HEATR9: variants seen among roughly 807,000 people sequenced by gnomAD.
HEATR9 encodes protein HEATR9.
Under a neutral mutation model 68.2 loss-of-function variants are expected in HEATR9, and 54 were observed. The observed-to-expected ratio is 0.79, with a 90% confidence interval of 0.64 to 0.99. The LOEUF is 0.99. Among genes scored for constraint, HEATR9 ranks in the 50% least tolerant of loss-of-function variants. HEATR9 has a pLI of 0.00. For missense variants in HEATR9, 662 were observed against 679.7 expected (o/e 0.97, Z 0.29); for synonymous variants, 241 against 253.5 (o/e 0.95, Z 0.47).
rs1450371438 is a variant in HEATR9 at position 35,866,739 on chromosome 17, G to A, written c.123C>T (p.Pro41=). Residue 41 remains proline, a synonymous_variant, in exon 2 of 15, where the codon CCC becomes CCT. Transcript: ENST00000604834. ...GGGGTCTTACCTGGTAGCAGGACAA[G>A]GGCAGATGAACAGGAGCCATGGCTT... ...LRKAMAPVHL[P]LSCYQMPKEE... 2.5e-6 allele frequency: 4 copies of A among 1,613,978 alleles called. No homozygotes were observed. Among genetic ancestry groups the A allele is most frequent in the Non-Finnish European group, 3.4e-6 (4 of 1,179,962 alleles).
chr17:35,855,331 T>A lies in HEATR9; in HGVS notation c.1445A>T (p.Tyr482Phe). 6.2e-7 allele frequency: 1 copy of A among 1,614,176 alleles called. No individual in the cohort carries two copies. The highest frequency in any genetic ancestry group is 8.5e-7 in the Non-Finnish European group (1 of 1,180,004). The change falls in exon 15 of 15, where the codon TAT becomes TTT. Residue 482 changes from tyrosine (Y) to phenylalanine (F), a missense_variant. Physicochemically the swap from Tyr to Phe is conservative, Grantham distance 22. Transcript: ENST00000604834. ...NKLKNKVLSV[Y>F]EAPKTNVKAE... is the part of the protein sequence containing the mutation. Reference sequence around the variant, plus strand: ...CTTCACATTGGTCTTAGGTGCCTCATATACAGAGAGAACCTTGTTTTTCAG... The same window carrying A: ...CTTCACATTGGTCTTAGGTGCCTCAAATACAGAGAGAACCTTGTTTTTCAG...
chr17:35,867,095 CAA>C (rs36121754), intron 1 of HEATR9, among the ~76,000 whole-genome samples: 247 of 143,674 alleles, frequency 1.7e-3, no homozygotes, highest in Admixed American at 1.9e-3. Flanking sequence ...ACTAAAAATA[CAA>C]AAAAAAAAAA....
chr17:35,866,877 G>A, intron 1 of HEATR9, 104 bp from the exon 2 acceptor site: 3 of 1,112,664 alleles, frequency 2.7e-6, no homozygotes, highest in African/African-American at 1.6e-5. Context: ...GGAAGCCAAG[G>A]CAGGCAGATC....
chr17:35,855,791 AG>A, intron 13 of HEATR9, 41 bp from the exon 14 acceptor site: 1 of 1,514,110 alleles, frequency 6.6e-7, no homozygotes, highest in East Asian at 2.3e-5. Flanking sequence ...AGCCAGCCCC[AG>A]GAAGACACCT....
intron 8 of HEATR9, chr17:35,861,515 C>T: frequency 4.8e-6 from 5 of 1,045,198 alleles, no homozygotes; most frequent in Non-Finnish European, 7.4e-6. Flanking sequence ...AACATCATGT[C>T]ATGGCTGGGG....
chr17:35,857,628 G>C (rs1197997228), intron 11 of HEATR9, among the ~76,000 whole-genome samples: 1 of 152,012 alleles, frequency 6.6e-6, no homozygotes, highest in Non-Finnish European at 1.5e-5. Context: ...GCGTGGTTGC[G>C]GGCGCCTGTA....
At chr17:35,862,855 C>T in intron 8 of HEATR9, 140 bp downstream of exon 8, 8 of 1,240,664 alleles carry the variant, frequency 6.4e-6, no homozygotes, top group Non-Finnish European at 7.9e-6. Flanking sequence ...CTATTCAACT[C>T]CCGAGGGAAC....
Position 35,855,534 on chromosome 17 carries a change from G to C in HEATR9, c.1366-124C>G, listed in dbSNP as rs934796532. ...GGGCACTGTGGCCCCAAGGAACAAG[G>C]TCAAGGGACAGTGTCTAAGGGCTCA... On this transcript the variant is annotated intron_variant, in intron 14 of 14. Coordinates refer to ENST00000604834, the MANE Select transcript of HEATR9 (RefSeq NM_152781.4). The C allele has an allele frequency of 4.6e-6, 6 of 1,299,878 alleles. No individual in the cohort carries two copies. In the East Asian group the frequency reaches 1.4e-4, roughly 30 times the overall value. 80.5% of individuals were successfully genotyped at this position (1,299,878 alleles called of 1,614,324 possible).
At chr17:35,860,163 A>G (rs982755252) in intron 8 of HEATR9, among the ~76,000 whole-genome samples, 2 of 151,800 alleles carry the variant, frequency 1.3e-5, no homozygotes, top group Non-Finnish European at 2.9e-5. Context: ...TTGGGAGGCC[A>G]AGGCGGGCGG....
At chr17:35,867,219 C>T (rs1166800923) in intron 1 of HEATR9, among the ~76,000 whole-genome samples, 1 of 151,990 alleles carries the variant, frequency 6.6e-6, no homozygotes, top group Non-Finnish European at 1.5e-5. Flanking sequence ...CATCACTGCA[C>T]TCCAGCTTGG....
Position 35,865,395 on chromosome 17 carries a change from A to G in HEATR9, c.140T>C (p.Met47Thr). The G allele has an allele frequency of 1.9e-6, 3 of 1,612,278 alleles. No homozygotes were observed. Among genetic ancestry groups the G allele is most frequent in the Non-Finnish European group, 2.5e-6 (3 of 1,179,650 alleles). The change falls in exon 3 of 15, where the codon ATG becomes ACG. Residue 47 changes from methionine (M) to threonine (T), a missense_variant and splice_region_variant. Transcript: ENST00000604834. ...ACTTGGGGGAAACTCTTCCTTTGGC[A>G]TCTGGGGGTTGCAAGTGGCAGAACA... ...PVHLPLSCYQ[M>T]PKEEFPPSPE...
chr17:35,865,154 C>G (rs556287841), intron 3 of HEATR9, 61 bp downstream of exon 3: 2 of 1,564,446 alleles, frequency 1.3e-6, no homozygotes, highest in Non-Finnish European at 1.7e-6. Context: ...CTTCCTTGCC[C>G]TTCCTCACTT....
At chr17:35,861,209 T>G in intron 8 of HEATR9, 1 of 1,599,828 alleles carries the variant, frequency 6.3e-7, no homozygotes, top group Non-Finnish European at 8.5e-7. Context: ...TCCTGAACTT[T>G]CTGTAGCTCT....
rs755593668 is a variant in HEATR9 at position 35,855,712 on chromosome 17, C to A, written c.1317G>T (p.Leu439Phe). Residue 439 changes from leucine (L) to phenylalanine (F), a missense_variant, in exon 14 of 15, where the codon TTG becomes TTT. By Grantham distance (22) the Leu-to-Phe change is conservative (BLOSUM62 0). Coordinates refer to ENST00000604834, the MANE Select transcript of HEATR9 (RefSeq NM_152781.4). ...LGIRSPQVFH[L>F]LLDLLDAENH... Reference sequence around the variant, plus strand: ...TTTCTGCATCTAGTAAGTCCAGGAGCAAGTGGAACACTTGTGGACTGCGGA... The same window carrying A: ...TTTCTGCATCTAGTAAGTCCAGGAGAAAGTGGAACACTTGTGGACTGCGGA... 3 of 1,614,060 alleles carry A rather than the reference C, an allele frequency of 1.9e-6. No individual in the cohort carries two copies. The highest frequency in any genetic ancestry group is 2.2e-5 in the South Asian group (2 of 91,082).
intron 12 of HEATR9, 189 bp from the exon 13 acceptor site, chr17:35,856,413 G>A: frequency 6.9e-7 from 1 of 1,456,368 alleles, no homozygotes; most frequent in South Asian, 1.2e-5. Flanking sequence ...TTTGCCAGGA[G>A]GCACTGAATG....
In HEATR9 at chr17:35,855,253, ATAGT is replaced by A. The variant is rs1019921861; in HGVS notation, c.1519_1522del (p.Thr507PhefsTer9). On this transcript the variant is annotated frameshift_variant, in exon 15 of 15. Transcript: ENST00000604834. LOFTEE classifies it low-confidence loss of function (END_TRUNC). ...CAGCTTTGCAAGTCGAAAGTCTTGA[ATAGT>A]TAACTCTTCTGGGTTCTCAGGCTCT... 5 of 1,614,058 alleles carry A rather than the reference ATAGT, an allele frequency of 3.1e-6. No homozygotes were observed. The African/African-American group carries it at 6.7e-5, about 22-fold the overall frequency.
In HEATR9 at chr17:35,855,675, C is replaced by G. The variant is rs1279340189; in HGVS notation, c.1354G>C (p.Val452Leu). 2.5e-6 allele frequency: 4 copies of G among 1,613,914 alleles called. No homozygotes were observed. Among genetic ancestry groups the G allele is most frequent in the Non-Finnish European group, 3.4e-6 (4 of 1,179,982 alleles). Residue 452 changes from valine (V) to leucine (L), a missense_variant, in exon 14 of 15, where the codon GTG becomes CTG. Val to Leu is a conservative substitution (Grantham distance 32). Coordinates refer to ENST00000604834, the MANE Select transcript of HEATR9 (RefSeq NM_152781.4). ...DLLDAENHQAVKKSLQETLIL... is the reference protein window; with the variant it reads ...DLLDAENHQALKKSLQETLIL... Reference sequence around the variant, plus strand: ...AACGCCTTACTTACACTCTTCTTCACAGCCTGGTGGTTTTCTGCATCTAGT... The same window carrying G: ...AACGCCTTACTTACACTCTTCTTCAGAGCCTGGTGGTTTTCTGCATCTAGT...
Position 35,868,670 on chromosome 17 carries a change from G to A in HEATR9, c.73C>T (p.Pro25Ser). The change falls in exon 1 of 15, where the codon CCA becomes TCA. Residue 25 changes from proline (P) to serine (S), a missense_variant. By Grantham distance (74) the Pro-to-Ser change is moderately conservative. Coordinates refer to ENST00000604834, the MANE Select transcript of HEATR9 (RefSeq NM_152781.4). ...CCAGCCTCACCTTTGGTCTTGTCTG[G>A]ATATTCCAGCCATGGGTACAGGAAC... Reference protein sequence around the residue: ...SMFLYPWLEYPDKTKELRKAM... With the variant: ...SMFLYPWLEYSDKTKELRKAM... 2 of 1,614,134 alleles carry A rather than the reference G, an allele frequency of 1.2e-6. No homozygotes were observed. Among genetic ancestry groups the A allele is most frequent in the Middle Eastern group, 1.7e-4 (1 of 6,060 alleles).
At chr17:35,866,054 T>G (rs1043576156) in intron 2 of HEATR9, among the ~76,000 whole-genome samples, 2 of 152,190 alleles carry the variant, frequency 1.3e-5, no homozygotes, top group Non-Finnish European at 2.9e-5. Context: ...CTAGGATTCA[T>G]CCCTGTCTCT....
Sources: gnomAD v4.1 joint callset for allele counts (sites outside exome capture counted in the v4.1 genomes callset) on GRCh38, gnomAD v4.1.1 for gene constraint, MANE v1.5 for transcripts, NCBI Gene and HGNC (gene_info 2026-07-23, HGNC 2026-07-21) for gene names.